Variants in DIXDC1 observed in about 807,000 individuals in gnomAD.
The protein encoded by DIXDC1 is dixin.
In DIXDC1, 64 loss-of-function variants were observed where a neutral mutation model predicts 103.1. That is an observed-to-expected ratio of 0.62 (90% CI 0.51 to 0.76). DIXDC1 has a LOEUF of 0.76. Ranked by LOEUF, DIXDC1 falls within the 30% of genes least tolerant of loss-of-function variation. The probability of loss-of-function intolerance (pLI) is 0.00; values close to 1 mark genes in which losing one functional copy is unlikely to be tolerated. For synonymous variants in DIXDC1, 266 were observed against 298.5 expected, an observed-to-expected ratio of 0.89 and a Z score of 1.12; for missense variants, 759 against 834.2, an observed-to-expected ratio of 0.91 and a Z score of 1.11.
At chr11:111,984,260 T>C (rs1453461960) in intron 7 of DIXDC1, among the ~76,000 whole-genome samples, 3 of 152,136 alleles carry the variant, frequency 2.0e-5, no homozygotes, top group African/African-American at 7.2e-5. Context: ...AATAATTAGG[T>C]ATAGGCAACG....
At chr11:112,011,607 G>A (rs1039026328) in intron 17 of DIXDC1, among the ~76,000 whole-genome samples, 14 of 152,144 alleles carry the variant, frequency 9.2e-5, no homozygotes, top group Non-Finnish European at 1.8e-4. Context: ...TATACACCAT[G>A]GAATACTATG....
intron 3 of DIXDC1, among the ~76,000 whole-genome samples, chr11:111,970,460 A>G (rs1269423514): frequency 6.6e-6 from 1 of 152,180 alleles, no homozygotes; most frequent in East Asian, 1.9e-4. Flanking sequence ...CAAAAAAGAA[A>G]TATCTAGGAA....
At chr11:111,942,681 G>A (rs1555168975) in intron 1 of DIXDC1, among the ~76,000 whole-genome samples, 1 of 152,192 alleles carries the variant, frequency 6.6e-6, no homozygotes, top group African/African-American at 2.4e-5. Flanking sequence ...ATAACTGATG[G>A]AAATTTAAAA....
rs913466252 is a variant in DIXDC1, at chr11:111,973,882, G to T, written c.317-141G>T. 7.4e-5 allele frequency: 51 copies of T among 691,652 alleles called. No individual in the cohort carries two copies. In the Admixed American group the frequency reaches 1.4e-3, roughly 18 times the overall value. The allele number at this position is 691,652 out of a possible 1,614,324, so 42.8% of individuals were successfully genotyped here. On this transcript the variant is annotated intron_variant, in intron 3 of 19. Transcript: ENST00000440460. ...TATATTCGGTCTCCCTTGTTGCCCA[G>T]AGCTTTGTGAGGACTGAGACCCTGA...
At chr11:111,954,150 T>C (rs1464369263) in intron 1 of DIXDC1, among the ~76,000 whole-genome samples, 1 of 152,174 alleles carries the variant, frequency 6.6e-6, no homozygotes, top group African/African-American at 2.4e-5. Context: ...TTATACAACT[T>C]ACCATAATGT....
intron 1 of DIXDC1, among the ~76,000 whole-genome samples, chr11:111,937,830 C>T (rs1555168409): frequency 1.3e-5 from 2 of 152,228 alleles, no homozygotes; most frequent in South Asian, 4.1e-4. Context: ...CAGAAATCAC[C>T]TCCTTCCAGA....
At chr11:112,013,322 GGGGGTGGGGT>G (rs1263167441) in intron 17 of DIXDC1, among the ~76,000 whole-genome samples, 16 of 59,874 alleles carry the variant, frequency 2.7e-4, no homozygotes, top group African/African-American at 1.6e-3. Flanking sequence ...GTCGGGGGGT[GGGGGTGGGGT>G]GGGGGGGGGG....
rs587764273 is a variant in DIXDC1, at chr11:111,943,248, A to G, written c.60+5689A>G. Among the ~76,000 whole-genome samples, 4 of 151,968 alleles carry G rather than the reference A, an allele frequency of 2.6e-5. No individual in the cohort carries two copies. In the East Asian group the frequency reaches 7.8e-4, roughly 29 times the overall value. Reference sequence around the variant, plus strand: ...ACCTCGCACCTCTTGGGCTCAAGCGATTCTCCTGCCTCAGTCTCCCCAGTA... The same window carrying G: ...ACCTCGCACCTCTTGGGCTCAAGCGGTTCTCCTGCCTCAGTCTCCCCAGTA... On this transcript the variant is annotated intron_variant, in intron 1 of 19. Coordinates refer to ENST00000440460, the MANE Select transcript of DIXDC1 (RefSeq NM_001037954.4).
At position 111,989,991 on chromosome 11, in the gene DIXDC1, C is replaced by T. The variant is rs1414424795; in HGVS notation, c.1113+936C>T. On this transcript the variant is annotated intron_variant, in intron 10 of 19. Transcript: ENST00000440460. ...TTTTTTAGTAGAGACGGGGTTTCAC[C>T]GTGTTAGCCAGGATGGTCTCCATCT... Among the ~76,000 whole-genome samples the T allele has an allele frequency of 4.6e-5, 7 of 150,968 alleles. No individual in the cohort carries two copies. In the South Asian group the frequency reaches 1.1e-3, roughly 23 times the overall value.
At chr11:111,984,480 G>C (rs1860423845) in intron 7 of DIXDC1, among the ~76,000 whole-genome samples, 2 of 152,126 alleles carry the variant, frequency 1.3e-5, no homozygotes, top group Admixed American at 1.3e-4. Context: ...CTGGATTGCA[G>C]TGAGCCAAAA....
chr11:111,993,195 GAGA>G (rs1370761455), intron 12 of DIXDC1, among the ~76,000 whole-genome samples, 191 bp downstream of exon 12: 2 of 152,160 alleles, frequency 1.3e-5, no homozygotes, highest in Non-Finnish European at 2.9e-5. Context: ...GCACAGCTAG[GAGA>G]AGGAGTACAG....
At chr11:111,974,816 T>G (rs1860045402) in intron 4 of DIXDC1, 60 bp from the exon 5 acceptor site, 1 of 1,583,076 alleles carries the variant, frequency 6.3e-7, no homozygotes, top group African/African-American at 1.3e-5. Flanking sequence ...TCTGTACTTG[T>G]TGAGTTGATC....
chr11:111,964,496 A>G, intron 1 of DIXDC1, 53 bp from the exon 2 acceptor site: 1 of 1,552,114 alleles, frequency 6.4e-7, no homozygotes, highest in African/African-American at 1.4e-5. Flanking sequence ...GTATGAGGTA[A>G]GGGTTGAGAT....
upstream of DIXDC1, among the ~76,000 whole-genome samples, chr11:111,934,361 G>T (rs374532354): frequency 6.6e-6 from 1 of 152,194 alleles, no homozygotes; most frequent in African/African-American, 2.4e-5. Flanking sequence ...AATAATGCAG[G>T]ACTGAGGAAG....
At position 111,977,839 on chromosome 11, in the gene DIXDC1, G is replaced by C. The variant is rs1044830971; in HGVS notation, c.656+2856G>C. 16 of 1,536,660 alleles carry C rather than the reference G, an allele frequency of 1.0e-5. No homozygotes were observed. The African/African-American group carries it at 2.1e-4, about 20-fold the overall frequency. On this transcript the variant is annotated intron_variant, in intron 5 of 19. Coordinates refer to ENST00000440460, the MANE Select transcript of DIXDC1 (RefSeq NM_001037954.4). This position sits in a 1 kb window ranked among gnomAD's most constrained non-coding sequence, Gnocchi z 6.1. ...GCTTTGGAAGTGGGGGGCCTGGGTGGGAACAGGGGCAGGGCTGGAGGATGC... is the reference window on the plus strand; with the variant it reads ...GCTTTGGAAGTGGGGGGCCTGGGTGCGAACAGGGGCAGGGCTGGAGGATGC...
intron 8 of DIXDC1, among the ~76,000 whole-genome samples, chr11:111,986,248 C>T (rs1424627880): frequency 1.3e-5 from 2 of 152,094 alleles, no homozygotes; most frequent in African/African-American, 4.8e-5. Flanking sequence ...TTCCCCATTG[C>T]CCTCACTGGC....
At chr11:111,934,034 A>T (rs782193863), upstream of DIXDC1, among the ~76,000 whole-genome samples, 19 of 152,218 alleles carry the variant, frequency 1.2e-4, no homozygotes, top group South Asian at 6.2e-4. Context: ...CATTTTTGTA[A>T]TGTAATCTTG....
intron 1 of DIXDC1, among the ~76,000 whole-genome samples, chr11:111,945,117 A>G (rs1555169249): frequency 6.6e-6 from 1 of 152,212 alleles, no homozygotes; most frequent in African/African-American, 2.4e-5. Context: ...CAGCAGAAAC[A>G]ATGAAATCAA....
At chr11:111,954,030 A>T (rs1487361216) in intron 1 of DIXDC1, among the ~76,000 whole-genome samples, 8 of 152,184 alleles carry the variant, frequency 5.3e-5, no homozygotes, top group African/African-American at 1.9e-4. Context: ...TTCATGGAAG[A>T]CAGTTTTTCC....
Sources: gnomAD v4.1 joint callset for allele counts (sites outside exome capture counted in the v4.1 genomes callset) on GRCh38, gnomAD v4.1.1 for gene constraint, Gnocchi (gnomAD v3.1) non-coding constraint, MANE v1.5 for transcripts, NCBI Gene and HGNC (gene_info 2026-07-23, HGNC 2026-07-21) for gene names.